PPP1R12A: variants seen among roughly 807,000 people sequenced by gnomAD.
PPP1R12A encodes protein phosphatase 1 regulatory subunit 12A, also known as myosin binding subunit.
In PPP1R12A, 19 loss-of-function variants were observed where a neutral mutation model predicts 139.6. The ratio of observed to expected loss-of-function variants is 0.14; its 90% CI spans 0.09 to 0.20. The LOEUF is 0.20. Ranked by LOEUF, PPP1R12A falls within the 10% of genes least tolerant of loss-of-function variation. The pLI is 1.00. For missense variants in PPP1R12A, 925 were observed against 1,211.5 expected, an observed-to-expected ratio of 0.76 and a Z score of 3.51; for synonymous variants, 427 against 420.6, an observed-to-expected ratio of 1.02 and a Z score of -0.19.
chr12:79,784,787 C>G (rs2136984361), intron 22 of PPP1R12A, among the ~76,000 whole-genome samples: 1 of 152,200 alleles, frequency 6.6e-6, no homozygotes, highest in Non-Finnish European at 1.5e-5. Context: ...CAGGCGCCCA[C>G]CACCACACCC....
At position 79,786,720 on chromosome 12, in the gene PPP1R12A, G is replaced by A. The variant is rs554965030; in HGVS notation, c.2803-242C>T. On this transcript the variant is annotated intron_variant, in intron 21 of 24. Coordinates refer to ENST00000450142, the MANE Select transcript of PPP1R12A (RefSeq NM_002480.3). ...AAATCAAGACTTCACAGAAAAATTG[G>A]ACTTTTCAGGTTATCTTAAAAAAGA... 28 of 293,470 alleles carry A rather than the reference G, an allele frequency of 9.5e-5. 1 individual carries two copies. In the South Asian group the frequency reaches 1.7e-3, roughly 18 times the overall value. 18.2% of individuals were successfully genotyped at this position (293,470 alleles called of 1,614,324 possible).
chr12:79,809,207 CTAAGTATAGAAAGAAA>C (rs1233188839), intron 10 of PPP1R12A, among the ~76,000 whole-genome samples: 2 of 151,886 alleles, frequency 1.3e-5, no homozygotes, highest in Admixed American at 6.6e-5. Context: ...GGAAACATTT[CTAAGTATAGAAAGAAA>C]ACTGTATGGG....
intron 5 of PPP1R12A, among the ~76,000 whole-genome samples, chr12:79,827,825 AT>A (rs1210789544): frequency 6.6e-6 from 1 of 152,122 alleles, no homozygotes; most frequent in Non-Finnish European, 1.5e-5. Context: ...CCCCTTTGGC[AT>A]AAAACTTTAT....
intron 1 of PPP1R12A, among the ~76,000 whole-genome samples, chr12:79,876,377 C>T (rs796980557): frequency 4.6e-5 from 7 of 152,224 alleles, no homozygotes; most frequent in African/African-American, 1.7e-4. Flanking sequence ...CGGCTGCTTC[C>T]ACAATACCTT....
chr12:79,899,824 C>T (rs1430048352), intron 1 of PPP1R12A, among the ~76,000 whole-genome samples: 1 of 152,142 alleles, frequency 6.6e-6, no homozygotes, highest in Non-Finnish European at 1.5e-5. Context: ...ATTTACATCA[C>T]CAACAATGAG....
intron 2 of PPP1R12A, among the ~76,000 whole-genome samples, chr12:79,850,613 T>C (rs961588584): frequency 1.3e-5 from 2 of 152,198 alleles, no homozygotes; most frequent in African/African-American, 2.4e-5. Context: ...ATTTAATGTA[T>C]ATTTTCTTAT....
chr12:79,783,722 A>T (rs1395339989), intron 22 of PPP1R12A, among the ~76,000 whole-genome samples: 2 of 152,216 alleles, frequency 1.3e-5, no homozygotes, highest in Non-Finnish European at 2.9e-5. Flanking sequence ...ATGGAAAAAT[A>T]GCATTTCACT....
At chr12:79,879,699 A>T (rs1281612781) in intron 1 of PPP1R12A, among the ~76,000 whole-genome samples, 1 of 152,180 alleles carries the variant, frequency 6.6e-6, no homozygotes, top group Admixed American at 6.5e-5. Flanking sequence ...CCAGGGTTAA[A>T]TCTGTGGGAG....
At chr12:79,846,997 C>A (rs748842057) in intron 2 of PPP1R12A, among the ~76,000 whole-genome samples, 3 of 151,814 alleles carry the variant, frequency 2.0e-5, no homozygotes, top group African/African-American at 4.8e-5. Context: ...CTTCATACTT[C>A]GACTATATAA....
intron 1 of PPP1R12A, among the ~76,000 whole-genome samples, chr12:79,932,417 GA>G (rs959223645): frequency 3.2e-4 from 49 of 152,104 alleles, no homozygotes; most frequent in Middle Eastern, 3.2e-3. Flanking sequence ...TGAGAGTGAA[GA>G]AAACATAACA....
intron 2 of PPP1R12A, among the ~76,000 whole-genome samples, chr12:79,869,458 AAAC>A (rs893119839): frequency 1.3e-5 from 2 of 152,208 alleles, no homozygotes; most frequent in Non-Finnish European, 2.9e-5. Flanking sequence ...GCATATACAC[AAAC>A]AACTGATGTG....
chr12:79,903,448 C>CT (rs1273538368), intron 1 of PPP1R12A, among the ~76,000 whole-genome samples: 2 of 131,950 alleles, frequency 1.5e-5, no homozygotes, highest in African/African-American at 6.9e-5. Context: ...AGGACTCCAT[C>CT]TCAAAAAAAA....
chr12:79,811,625 TG>T (rs1874546235), intron 9 of PPP1R12A, among the ~76,000 whole-genome samples: 1 of 152,362 alleles, frequency 6.6e-6, no homozygotes, highest in Non-Finnish European at 1.5e-5. Context: ...TATTGATTGG[TG>T]AGTTTACAGG....
In PPP1R12A at chr12:79,872,252, CT is replaced by C. The variant is rs1176417340; in HGVS notation, c.368+555del. Among the ~76,000 whole-genome samples the C allele has an allele frequency of 2.0e-5, 3 of 151,956 alleles. No individual in the cohort carries two copies. In the East Asian group the frequency reaches 5.8e-4, roughly 29 times the overall value. ...ATGAAAAAATTATTTTTCAAGATAT[CT>C]ATACTTCCACTGTTAAATGCTTTAA... On this transcript the variant is annotated intron_variant, in intron 2 of 24. Transcript: ENST00000450142.
At position 79,817,476 on chromosome 12, in the gene PPP1R12A, G is replaced by T. The variant is rs1247776982; in HGVS notation, c.1157C>A (p.Ser386Tyr). Reference sequence around the variant, plus strand: ...AGCTACAGGAGCTGCTTGTGTACTAGAAGTGTTGGCATTAGTTACAGAAGC... The same window carrying T: ...AGCTACAGGAGCTGCTTGTGTACTATAAGTGTTGGCATTAGTTACAGAAGC... ...PLASVTNANT[S>Y]STQAAPVAVT... is the part of the protein sequence containing the mutation. The change falls in exon 9 of 25, where the codon TCT becomes TAT. Residue 386 changes from serine (S) to tyrosine (Y), a missense_variant. Ser to Tyr is a moderately radical substitution (Grantham distance 144). Around this residue, in one of 4 missense-constraint regions of PPP1R12A, gnomAD observed 403 missense variants for 463.7 expected, o/e 0.87. Transcript: ENST00000450142. The T allele has an allele frequency of 6.2e-7, 1 of 1,605,744 alleles. No individual in the cohort carries two copies. Among genetic ancestry groups the T allele is most frequent in the African/African-American group, 1.3e-5 (1 of 74,814 alleles).
intron 1 of PPP1R12A, among the ~76,000 whole-genome samples, chr12:79,913,264 T>C (rs1344843056): frequency 4.6e-5 from 7 of 152,236 alleles, no homozygotes; most frequent in Non-Finnish European, 8.8e-5. Context: ...TAAAAATCTT[T>C]TCCCTACCCG....
Position 79,935,003 on chromosome 12 carries a change from G to T in PPP1R12A, c.-72C>A. The T allele has an allele frequency of 6.7e-7, 1 of 1,492,704 alleles. No homozygotes were observed. 92.5% of individuals were successfully genotyped at this position (1,492,704 alleles called of 1,614,324 possible). ...GAGGCGGAGAGGGAAGAGAGGGGAG[G>T]CAGGGGGTGTGTGAATGTTTCTATG... On this transcript the variant is annotated 5_prime_UTR_variant, in exon 1 of 25. Transcript: ENST00000450142.
chr12:79,788,737 G>A lies in PPP1R12A; in HGVS notation c.2713C>T (p.Leu905=), dbSNP rs571230915. Residue 905 remains leucine, a synonymous_variant, in exon 21 of 25, where the codon CTG becomes TTG. Coordinates refer to ENST00000450142, the MANE Select transcript of PPP1R12A (RefSeq NM_002480.3). ...TSAGDRYDSL[L]GRSGSYSYLE... ...TAACTGTATGATCCAGAGCGACCCA[G>A]CAAGGAATCATATCGATCACCAGCT... 1.2e-5 allele frequency: 20 copies of A among 1,612,730 alleles called. No homozygotes were observed. The East Asian group carries it at 4.0e-4, about 32-fold the overall frequency.
rs777624960 is a variant in PPP1R12A, at chr12:79,820,888, T to C, written c.1000A>G (p.Ile334Val). 1.9e-6 allele frequency: 3 copies of C among 1,613,624 alleles called. No individual in the cohort carries two copies. The highest frequency in any genetic ancestry group is 2.5e-6 in the Non-Finnish European group (3 of 1,179,758). ...ACCTTTTCTTGTTCCAGAGATTCAATACGGGATGCATTTTTCTCTGGTTCA... is the reference window on the plus strand; with the variant it reads ...ACCTTTTCTTGTTCCAGAGATTCAACACGGGATGCATTTTTCTCTGGTTCA... The part of the protein sequence containing the change: ...IIEPEKNASR[I>V]ESLEQEKVDE... The change falls in exon 8 of 25, where the codon ATT becomes GTT. Residue 334 changes from isoleucine to valine, a missense_variant. Physicochemically the swap from Ile to Val is conservative, Grantham distance 29 (BLOSUM62 3). Coordinates refer to ENST00000450142, the MANE Select transcript of PPP1R12A (RefSeq NM_002480.3).
Sources: gnomAD v4.1 joint callset for allele counts (sites outside exome capture counted in the v4.1 genomes callset) on GRCh38, gnomAD v4.1.1 for gene constraint, gnomAD v4.1.1 regional missense constraint, MANE v1.5 for transcripts, NCBI Gene and HGNC (gene_info 2026-07-23, HGNC 2026-07-21) for gene names.